Variants in SMARCAL1 observed in about 807,000 individuals in gnomAD.
SMARCAL1 encodes the protein SNF2 related chromatin remodeling annealing helicase 1, also known as ATP-driven annealing helicase.
SMARCAL1 carries 58 observed loss-of-function variants against 94.5 expected under a neutral mutation model. The ratio of observed to expected loss-of-function variants is 0.61; its 90% CI spans 0.50 to 0.76. The LOEUF is 0.76. Ranked by LOEUF, SMARCAL1 falls within the 30% of genes least tolerant of loss-of-function variation. SMARCAL1 has a pLI of 0.00. For missense variants in SMARCAL1, 1,051 were observed against 1,177.9 expected (o/e 0.89, Z 1.58); for synonymous variants, 422 against 455.1 (o/e 0.93, Z 0.93).
intron 14 of SMARCAL1, among the ~76,000 whole-genome samples, chr2:216,474,174 C>G (rs1318916473): frequency 1.8e-5 from 2 of 109,076 alleles, no homozygotes; most frequent in East Asian, 3.0e-4. Flanking sequence ...GAGTCTCGCT[C>G]TGTCACCCAG....
rs1694722609 is a variant in SMARCAL1 at position 216,462,281 on chromosome 2, G to T, written c.2071-2316G>T. Among the ~76,000 whole-genome samples the T allele has an allele frequency of 3.3e-5, 5 of 152,184 alleles. No individual in the cohort carries two copies. The South Asian group carries it at 1.0e-3, about 32-fold the overall frequency. On this transcript the variant is annotated intron_variant, in intron 12 of 17. Transcript: ENST00000357276. ...AGGGAGTATGGCATGAGTGAGTGTA[G>T]GTGGGAGGGGTAGGCTCTCTCTGAA...
chr2:216,482,886 C>A lies in SMARCAL1; in HGVS notation c.2774C>A (p.Thr925Asn). ...SGSSSQNMGDTLDESSLTASP... is the reference protein window; with the variant it reads ...SGSSSQNMGDNLDESSLTASP... ...AGTAGTTCCCAGAACATGGGAGACA[C>A]CCTGGATGAAAGCTCATTGACAGCC... is the stretch of plus-strand genomic sequence containing the variant. The change falls in exon 18 of 18, where the codon ACC (threonine) becomes AAC (asparagine). Residue 925 changes from threonine (T) to asparagine (N), a missense_variant. Transcript: ENST00000357276. The surrounding 1 kb of genome is among the most constrained non-coding windows in gnomAD (Gnocchi z 4.3). The A allele has an allele frequency of 1.9e-6, 3 of 1,614,094 alleles. No homozygotes were observed. Among genetic ancestry groups the A allele is most frequent in the Non-Finnish European group, 2.5e-6 (3 of 1,180,032 alleles).
intron 9 of SMARCAL1, among the ~76,000 whole-genome samples, chr2:216,436,038 G>A (rs948043742): frequency 2.4e-4 from 36 of 152,076 alleles, no homozygotes; most frequent in African/African-American, 8.5e-4. Flanking sequence ...GCGTGATCTC[G>A]GCTCACTGCA....
intron 6 of SMARCAL1, among the ~76,000 whole-genome samples, chr2:216,424,796 G>A (rs546750955): frequency 5.6e-4 from 85 of 152,306 alleles, no homozygotes; most frequent in African/African-American, 1.9e-3. Flanking sequence ...GATTACGTTT[G>A]AATATGAGAT....
chr2:216,450,385 A>G (rs1282832119), intron 11 of SMARCAL1, among the ~76,000 whole-genome samples: 2 of 152,234 alleles, frequency 1.3e-5, no homozygotes, highest in Non-Finnish European at 2.9e-5. Flanking sequence ...CTGCAGAACA[A>G]CAGTTTTTAA....
chr2:216,438,634 C>T (rs1310673083), intron 10 of SMARCAL1, 149 bp downstream of exon 10: 6 of 724,158 alleles, frequency 8.3e-6, no homozygotes, highest in Non-Finnish European at 1.5e-5. Flanking sequence ...GCATCTGTCT[C>T]TCTCCTTAGG....
At chr2:216,440,108 A>G (rs902123909) in intron 10 of SMARCAL1, among the ~76,000 whole-genome samples, 10 of 152,128 alleles carry the variant, frequency 6.6e-5, no homozygotes, top group Admixed American at 2.0e-4. Context: ...TTATATGTCA[A>G]TAGCCATTGA....
At chr2:216,473,992 C>G (rs1258301470) in intron 14 of SMARCAL1, among the ~76,000 whole-genome samples, 3 of 151,918 alleles carry the variant, frequency 2.0e-5, no homozygotes, top group Non-Finnish European at 4.4e-5. Context: ...ATACTGTGGG[C>G]TATTTCTCAA....
At chr2:216,473,023 T>C (rs1015837053) in intron 14 of SMARCAL1, among the ~76,000 whole-genome samples, 43 of 152,212 alleles carry the variant, frequency 2.8e-4, no homozygotes, top group Admixed American at 6.5e-5. Flanking sequence ...TTTAATAGCA[T>C]TCTTGAGGTA....
intron 14 of SMARCAL1, among the ~76,000 whole-genome samples, chr2:216,468,615 C>T (rs1428391533): frequency 6.6e-6 from 1 of 152,116 alleles, no homozygotes. Flanking sequence ...TTTGTCTTCC[C>T]TCATCGTTTA....
At chr2:216,416,331 A>G in intron 4 of SMARCAL1, 24 bp downstream of exon 4, 2 of 1,596,976 alleles carry the variant, frequency 1.3e-6, no homozygotes, top group Non-Finnish European at 1.7e-6. Flanking sequence ...TGGTTGTCTC[A>G]TGGAGGGTGG....
At chr2:216,464,538 C>T in intron 12 of SMARCAL1, 59 bp from the exon 13 acceptor site, 1 of 1,204,440 alleles carries the variant, frequency 8.3e-7, no homozygotes, top group Non-Finnish European at 1.2e-6. Context: ...TAATTAGATC[C>T]ACTCATCCCA....
At chr2:216,458,918 G>A (rs1392287669) in intron 12 of SMARCAL1, among the ~76,000 whole-genome samples, 2 of 152,194 alleles carry the variant, frequency 1.3e-5, no homozygotes, top group African/African-American at 2.4e-5. Flanking sequence ...TGACATGATT[G>A]TATATCTAGA....
At chr2:216,465,308 A>C (rs192374857) in intron 13 of SMARCAL1, among the ~76,000 whole-genome samples, 105 of 152,158 alleles carry the variant, frequency 6.9e-4, no homozygotes, top group African/African-American at 2.2e-3. Flanking sequence ...CGTTAAAAGG[A>C]GGGTGGGGTT....
At chr2:216,461,843 A>C (rs980735896) in intron 12 of SMARCAL1, among the ~76,000 whole-genome samples, 1 of 151,918 alleles carries the variant, frequency 6.6e-6, no homozygotes, top group Non-Finnish European at 1.5e-5. Context: ...AAAAAAAAAA[A>C]CAAACCATAA....
At chr2:216,434,750 C>T (rs548124226) in intron 8 of SMARCAL1, among the ~76,000 whole-genome samples, 16 of 151,414 alleles carry the variant, frequency 1.1e-4, no homozygotes, top group South Asian at 1.1e-3. Flanking sequence ...GAGGCTGAGG[C>T]GGGAGGATCA....
At chr2:216,450,738 C>A in intron 11 of SMARCAL1, 108 bp from the exon 12 acceptor site, 1 of 811,232 alleles carries the variant, frequency 1.2e-6, no homozygotes. Context: ...GTTTTCTGAG[C>A]TAAGCCAGGG....
intron 6 of SMARCAL1, 125 bp from the exon 7 acceptor site, chr2:216,428,471 A>C (rs1693887794): frequency 1.1e-6 from 1 of 873,004 alleles, no homozygotes; most frequent in Non-Finnish European, 1.9e-6. Flanking sequence ...AGATTTCTCC[A>C]CCCATTATAT....
chr2:216,472,780 TA>T (rs112225533), intron 14 of SMARCAL1, among the ~76,000 whole-genome samples: 2,967 of 113,350 alleles, frequency 0.026, 105 homozygotes, highest in African/African-American at 0.081. Context: ...TAGTGAAAAA[TA>T]AAATTTTTTT....
Sources: allele counts gnomAD v4.1 joint callset (sites outside exome capture counted in the v4.1 genomes callset), GRCh38; gene constraint gnomAD v4.1.1; non-coding constraint Gnocchi (gnomAD v3.1); transcripts MANE v1.5; gene names NCBI Gene and HGNC (gene_info 2026-07-23, HGNC 2026-07-21).